PHEX: variants seen among roughly 807,000 people sequenced by gnomAD.
The protein encoded by PHEX is phosphate regulating endopeptidase X-linked.
Under a neutral mutation model 68.0 loss-of-function variants are expected in PHEX, and 16 were observed. The observed-to-expected ratio is 0.24, with a 90% CI of 0.16 to 0.36. The LOEUF is 0.36. Among genes scored for constraint, PHEX ranks in the 10% least tolerant of loss-of-function variants. The pLI, the probability that PHEX is intolerant of heterozygous loss-of-function variation, is 1.00. For synonymous variants in PHEX, 208 were observed against 205.1 expected (o/e 1.01, Z -0.12); for missense variants, 480 against 575.5 (o/e 0.83, Z 1.70).
rs773416924 is a variant in PHEX at position 22,105,571 on chromosome X, TAAG to T, written c.1080-5891_1080-5889del. Among the ~76,000 whole-genome samples the T allele has an allele frequency of 2.6e-3, 295 of 112,000 alleles. 1 individual carries two copies. The highest frequency in any genetic ancestry group is 8.8e-3 in the African/African-American group (270 of 30,855). Reference sequence around the variant, plus strand: ...GAAGATCTCTGGCTTTGAGAACCTTTAAGAAGAGCCTCTGTGGCTCACTTCAGA... The same window carrying T: ...GAAGATCTCTGGCTTTGAGAACCTTTAAGAGCCTCTGTGGCTCACTTCAGA... On this transcript the variant is annotated intron_variant, in intron 9 of 21. Coordinates refer to ENST00000379374, the MANE Select transcript of PHEX (RefSeq NM_000444.6).
chrX:22,195,623 T>A (rs1299428622), intron 15 of PHEX, among the ~76,000 whole-genome samples: 1 of 110,523 alleles, frequency 9.0e-6, no homozygotes, highest in Non-Finnish European at 1.9e-5. Context: ...TTTATTATAA[T>A]GTTCCACATT....
intron 13 of PHEX, among the ~76,000 whole-genome samples, chrX:22,176,686 A>T (rs1315413599): frequency 1.8e-5 from 2 of 110,113 alleles, no homozygotes; most frequent in Non-Finnish European, 3.8e-5. Flanking sequence ...TGTTATTCCC[A>T]TGCCTTTCTT....
At chrX:22,241,571 T>TA (rs1002921734) in intron 20 of PHEX, among the ~76,000 whole-genome samples, 18 of 110,656 alleles carry the variant, frequency 1.6e-4, no homozygotes, top group African/African-American at 5.9e-4. Flanking sequence ...ATAGACGCAA[T>TA]AAAAAATGAT....
In PHEX at chrX:22,041,282, T is replaced by C. The variant is rs1320597628; in HGVS notation, c.187+2745T>C. 2.5e-4 allele frequency among the ~76,000 whole-genome samples: 24 copies of C among 94,582 alleles called. 1 individual carries two copies. Among genetic ancestry groups the C allele is most frequent in the African/African-American group, 9.4e-4 (24 of 25,587 alleles). 82.1% of individuals were successfully genotyped at this position (94,582 alleles called of 115,157 possible). A position where few individuals can be genotyped will look rare whatever the true frequency, so the allele number is the denominator to read the frequency against. On this transcript the variant is annotated intron_variant, in intron 2 of 21. Coordinates refer to ENST00000379374, the MANE Select transcript of PHEX (RefSeq NM_000444.6). Reference sequence around the variant, plus strand: ...CTCTCTCTCTATATATATATATATATATATATATATATATATATATTTTAA... The same window carrying C: ...CTCTCTCTCTATATATATATATATACATATATATATATATATATATTTTAA...
At chrX:22,203,509 T>C (rs1008357795) in intron 15 of PHEX, among the ~76,000 whole-genome samples, 1 of 111,049 alleles carries the variant, frequency 9.0e-6, no homozygotes, top group Non-Finnish European at 1.9e-5. Context: ...AAAGCCATGA[T>C]TAATCTTAGC....
chrX:22,102,622 T>C (rs960380971), intron 9 of PHEX, among the ~76,000 whole-genome samples: 3 of 111,947 alleles, frequency 2.7e-5, no homozygotes, highest in African/African-American at 9.8e-5. Flanking sequence ...GGAGGTGACA[T>C]ATGAATGGAA....
intron 12 of PHEX, among the ~76,000 whole-genome samples, chrX:22,145,120 G>A (rs1052991596): frequency 3.6e-5 from 4 of 111,981 alleles, no homozygotes; most frequent in East Asian, 2.8e-4. Flanking sequence ...CTTGCAAAGC[G>A]AAGGGCGATC....
chrX:22,113,992 C>T (rs1373754495), intron 10 of PHEX, among the ~76,000 whole-genome samples: 7 of 95,707 alleles, frequency 7.3e-5, no homozygotes, highest in Non-Finnish European at 1.2e-4. Context: ...CTCTATTGCC[C>T]AGGCTGGAGT....
At chrX:22,162,864 A>G (rs1933181687) in intron 12 of PHEX, 1 of 111,292 alleles carries the variant, frequency 9.0e-6, no homozygotes, top group Non-Finnish European at 1.9e-5. Flanking sequence ...TTTTTTCCTC[A>G]TATGTGTTGC....
chrX:22,229,503 G>A (rs2147187446), intron 20 of PHEX, among the ~76,000 whole-genome samples: 1 of 112,373 alleles, frequency 8.9e-6, no homozygotes, highest in African/African-American at 3.2e-5. Context: ...TGATGATAAT[G>A]AGCATTTTTC....
In PHEX at chrX:22,249,369, T is replaced by C. The variant is rs908998065; in HGVS notation, c.*1416T>C. ...TGGGTTAAGTGGGCCAATAGGAAAA[T>C]CTCAAAAGCAAAATGACAAATTCAG... is the stretch of plus-strand genomic sequence containing the variant. On this transcript the variant is annotated 3_prime_UTR_variant, in exon 22 of 22. Coordinates refer to ENST00000379374, the MANE Select transcript of PHEX (RefSeq NM_000444.6). 5 of 97,918 alleles carry C rather than the reference T, an allele frequency of 5.1e-5. No homozygotes were observed. Among genetic ancestry groups the C allele is most frequent in the Non-Finnish European group, 1.0e-4 (5 of 49,700 alleles). 8.1% of individuals were successfully genotyped at this position (97,918 alleles called of 1,213,427 possible).
chrX:22,076,304 G>A, intron 3 of PHEX, 84 bp from the exon 4 acceptor site: 1 of 650,634 alleles, frequency 1.5e-6, no homozygotes, highest in South Asian at 2.3e-5. Flanking sequence ...ATTTTCTGGA[G>A]GTTGGAATTG....
intron 15 of PHEX, among the ~76,000 whole-genome samples, chrX:22,206,388 T>C (rs1302919673): frequency 8.9e-6 from 1 of 112,070 alleles, no homozygotes; most frequent in Non-Finnish European, 1.9e-5. Flanking sequence ...GTGCTTACCA[T>C]GAACCAGGTA....
intron 12 of PHEX, among the ~76,000 whole-genome samples, chrX:22,163,812 T>G (rs1333122309): frequency 8.9e-6 from 1 of 111,914 alleles, no homozygotes; most frequent in Non-Finnish European, 1.9e-5. Flanking sequence ...CTTCTCCCAT[T>G]TTGAAAAATT....
intron 20 of PHEX, among the ~76,000 whole-genome samples, chrX:22,244,151 G>A (rs1936317574): frequency 9.0e-6 from 1 of 111,493 alleles, no homozygotes; most frequent in Non-Finnish European, 1.9e-5. Context: ...GATGAAGCTG[G>A]AAGCTATCAT....
chrX:22,076,353 G>A, intron 3 of PHEX, 35 bp from the exon 4 acceptor site: 1 of 1,030,269 alleles, frequency 9.7e-7, no homozygotes, highest in Non-Finnish European at 1.4e-6. Flanking sequence ...CCATATGTGG[G>A]TGGATACTAA....
intron 20 of PHEX, among the ~76,000 whole-genome samples, chrX:22,232,055 C>T (rs1012471837): frequency 2.7e-5 from 3 of 111,897 alleles, no homozygotes; most frequent in Non-Finnish European, 3.8e-5. Flanking sequence ...GCAGGTTGTT[C>T]AGTTTCCATG....
At chrX:22,222,616 A>T (rs1400714838) in intron 18 of PHEX, among the ~76,000 whole-genome samples, 3 of 111,897 alleles carry the variant, frequency 2.7e-5, no homozygotes. Context: ...TTAGTACCCT[A>T]TCCCAGGAAA....
Position 22,116,218 on chromosome X carries a change from A to C in PHEX, c.1302+1632A>C, listed in dbSNP as rs192645183. On this transcript the variant is annotated intron_variant, in intron 11 of 21. Coordinates refer to ENST00000379374, the MANE Select transcript of PHEX (RefSeq NM_000444.6). ...ATTTCCCTGATGATTAGTGATGAAA[A>C]CCTTTTCATAAACCTCCTGTTTATG... 2.9e-3 allele frequency among the ~76,000 whole-genome samples: 322 copies of C among 111,391 alleles called. 1 individual carries two copies. The highest frequency in any genetic ancestry group is 9.9e-3 in the African/African-American group (302 of 30,655).
Sources: gnomAD v4.1 joint callset for allele counts (sites outside exome capture counted in the v4.1 genomes callset) on GRCh38, gnomAD v4.1.1 for gene constraint, MANE v1.5 for transcripts, NCBI Gene and HGNC (gene_info 2026-07-23, HGNC 2026-07-21) for gene names.